The following GATAD2B variants were observed in gnomAD, a reference collection of about 807,000 sequenced individuals.
The protein encoded by GATAD2B is transcriptional repressor p66-beta.
Under a neutral mutation model 64.3 loss-of-function variants are expected in GATAD2B, and 8 were observed. That is an observed-to-expected ratio of 0.12 (90% CI 0.07 to 0.22). The LOEUF (loss-of-function observed/expected upper bound fraction) is 0.22, where lower values mean the gene tolerates loss of function less well. GATAD2B is among the 10% of genes least tolerant of loss of function. The pLI is 1.00. For synonymous variants in GATAD2B, 281 were observed against 271.3 expected, an observed-to-expected ratio of 1.04 and a Z score of -0.35; for missense variants, 453 against 752.0, an observed-to-expected ratio of 0.60 and a Z score of 4.65.
At chr1:153,854,333 G>A (rs1490038272) in intron 1 of GATAD2B, among the ~76,000 whole-genome samples, 2 of 152,082 alleles carry the variant, frequency 1.3e-5, no homozygotes, top group Admixed American at 1.3e-4. Context: ...AACCCGGGAG[G>A]TGGAGCTTGC....
At chr1:153,898,947 A>G (rs1302567372) in intron 1 of GATAD2B, 1 of 152,236 alleles carries the variant, frequency 6.6e-6, no homozygotes, top group African/African-American at 2.4e-5. Context: ...AAGCTCAACT[A>G]GGAACCGTAC....
intron 6 of GATAD2B, 109 bp downstream of exon 6, chr1:153,817,263 G>A (rs778560372): frequency 4.7e-5 from 49 of 1,034,454 alleles, no homozygotes; most frequent in Non-Finnish European, 5.9e-5. Flanking sequence ...AACCATTTTT[G>A]TCCTAGAGTT....
At chr1:153,811,509 T>C (rs1190208182) in intron 10 of GATAD2B, 2 of 599,986 alleles carry the variant, frequency 3.3e-6, no homozygotes, top group Admixed American at 6.7e-5. Flanking sequence ...AAATTGATAA[T>C]GGTAGGATCT....
chr1:153,899,426 G>A (rs1206976805), intron 1 of GATAD2B, among the ~76,000 whole-genome samples: 3 of 152,048 alleles, frequency 2.0e-5, no homozygotes, highest in Admixed American at 6.6e-5. Context: ...AAATAGCCAC[G>A]CGTGGTTGCA....
chr1:153,852,098 T>A, intron 1 of GATAD2B: 2 of 584,826 alleles, frequency 3.4e-6, no homozygotes, highest in Non-Finnish European at 6.2e-6. Flanking sequence ...CAGGGGCAAG[T>A]TTAATGAGTT....
chr1:153,828,439 ATC>A lies in GATAD2B; in HGVS notation c.-1-93_-1-92del, dbSNP rs144113171. 2,239 of 807,716 alleles carry A rather than the reference ATC, an allele frequency of 2.8e-3. 40 individuals carry two copies. The African/African-American group carries it at 0.036, about 13-fold the overall frequency. 50.0% of individuals were successfully genotyped at this position (807,716 alleles called of 1,614,324 possible). A position where few individuals can be genotyped will look rare whatever the true frequency, so the allele number is the denominator to read the frequency against. On this transcript the variant is annotated intron_variant, in intron 1 of 10. Coordinates refer to ENST00000368655, the MANE Select transcript of GATAD2B (RefSeq NM_020699.4). ...TGGAATGGTGAAGTTATTAACAAGA[ATC>A]TCTCTCTCACACATACACACACACA...
chr1:153,855,872 G>C (rs1676068924), intron 1 of GATAD2B, among the ~76,000 whole-genome samples: 1 of 151,958 alleles, frequency 6.6e-6, no homozygotes, highest in Admixed American at 6.6e-5. Flanking sequence ...TTGTAAAGAT[G>C]GGTTTTTGCC....
At chr1:153,840,150 A>G (rs1675427429) in intron 1 of GATAD2B, among the ~76,000 whole-genome samples, 1 of 138,910 alleles carries the variant, frequency 7.2e-6, no homozygotes, top group Non-Finnish European at 1.5e-5. Context: ...CTCCTGCCTC[A>G]GCCTCCTGAG....
intron 1 of GATAD2B, among the ~76,000 whole-genome samples, chr1:153,884,788 C>T (rs1053131350): frequency 2.0e-5 from 3 of 151,986 alleles, no homozygotes; most frequent in Non-Finnish European, 4.4e-5. Flanking sequence ...GAGACAGTCT[C>T]GCTCCGTTGC....
At chr1:153,905,805 G>A (rs1490487144) in intron 1 of GATAD2B, among the ~76,000 whole-genome samples, 6 of 147,990 alleles carry the variant, frequency 4.1e-5, no homozygotes, top group African/African-American at 1.2e-4. Context: ...AGTGGCTCAC[G>A]CCTGTAATCC....
intron 1 of GATAD2B, among the ~76,000 whole-genome samples, chr1:153,856,688 T>C (rs1327295921): frequency 2.6e-5 from 4 of 151,938 alleles, no homozygotes; most frequent in Non-Finnish European, 5.9e-5. Context: ...GGTGGAAGGA[T>C]CACTTGAGGC....
intron 2 of GATAD2B, among the ~76,000 whole-genome samples, chr1:153,825,243 A>C (rs1262885011): frequency 6.6e-6 from 1 of 152,232 alleles, no homozygotes; most frequent in Non-Finnish European, 1.5e-5. Flanking sequence ...AAAGCCAAGT[A>C]GGTTGCTCAG....
intron 1 of GATAD2B, among the ~76,000 whole-genome samples, chr1:153,863,038 GA>G (rs1039681934): frequency 8.5e-5 from 13 of 152,070 alleles, no homozygotes; most frequent in Non-Finnish European, 1.6e-4. Flanking sequence ...TTTTTTAAGA[GA>G]AAAAAATAAA....
At chr1:153,872,293 T>C (rs931442790) in intron 1 of GATAD2B, among the ~76,000 whole-genome samples, 3 of 124,012 alleles carry the variant, frequency 2.4e-5, no homozygotes, top group African/African-American at 9.7e-5. Flanking sequence ...CACTCCAACC[T>C]GGGTGACAGA....
intron 1 of GATAD2B, among the ~76,000 whole-genome samples, chr1:153,908,491 T>C (rs1230042344): frequency 6.6e-6 from 1 of 152,026 alleles, no homozygotes; most frequent in Admixed American, 6.6e-5. Flanking sequence ...ACTTTTTTTT[T>C]TTTTGAGACG....
Position 153,824,256 on chromosome 1 carries a change from C to T in GATAD2B, c.335+3757G>A, listed in dbSNP as rs199597029. 1.2e-3 allele frequency among the ~76,000 whole-genome samples: 174 copies of T among 147,340 alleles called. 6 individuals are homozygous for T. The East Asian group carries it at 0.025, about 22-fold the overall frequency. On this transcript the variant is annotated intron_variant, in intron 2 of 10. Coordinates refer to ENST00000368655, the MANE Select transcript of GATAD2B (RefSeq NM_020699.4). ...ACAGTGCTTGTGAACAGCCAATGTA[C>T]GTCAGCCTGGGCAACACAGCAACAC...
chr1:153,891,892 A>G (rs1677416896), intron 1 of GATAD2B, among the ~76,000 whole-genome samples: 2 of 151,996 alleles, frequency 1.3e-5, no homozygotes, highest in East Asian at 1.9e-4. Context: ...GGCCGGGTGC[A>G]GTGGCTCATG....
chr1:153,836,266 T>G (rs544522138), intron 1 of GATAD2B, among the ~76,000 whole-genome samples: 15 of 149,112 alleles, frequency 1.0e-4, no homozygotes, highest in Non-Finnish European at 1.5e-4. Flanking sequence ...AAAATTTGTT[T>G]TTTTTTTTTT....
intron 1 of GATAD2B, among the ~76,000 whole-genome samples, chr1:153,870,098 C>T (rs1020533139): frequency 2.0e-5 from 3 of 152,130 alleles, no homozygotes; most frequent in African/African-American, 7.2e-5. Flanking sequence ...CAAAGGCCTG[C>T]CACTATGCCC....
Sources: allele counts gnomAD v4.1 joint callset (sites outside exome capture counted in the v4.1 genomes callset), GRCh38; gene constraint gnomAD v4.1.1; transcripts MANE v1.5; gene names NCBI Gene and HGNC (gene_info 2026-07-23, HGNC 2026-07-21).